Variants in LUZP2 observed in about 807,000 individuals in gnomAD.
The protein encoded by LUZP2 is leucine zipper protein 2.
A neutral mutation model predicts 51.6 loss-of-function variants in LUZP2; 52 were observed. The ratio of observed to expected loss-of-function variants is 1.01; its 90% CI spans 0.81 to 1.27. LUZP2 has a LOEUF of 1.27. Among genes scored for constraint, LUZP2 ranks in the 50% most tolerant of loss-of-function variants. LUZP2 has a pLI of 0.00. For missense variants in LUZP2, 436 were observed against 395.4 expected, an observed-to-expected ratio of 1.10 and a Z score of -0.87; for synonymous variants, 154 against 137.3, an observed-to-expected ratio of 1.12 and a Z score of -0.85.
intron 9 of LUZP2, among the ~76,000 whole-genome samples, chr11:25,010,429 TC>T (rs1266538041): frequency 6.6e-6 from 1 of 152,010 alleles, no homozygotes; most frequent in African/African-American, 2.4e-5. Context: ...TCACCTGTCA[TC>T]CTAGCTACTC....
intron 1 of LUZP2, among the ~76,000 whole-genome samples, chr11:24,535,824 A>G (rs1386319487): frequency 6.6e-6 from 1 of 151,698 alleles, no homozygotes; most frequent in Non-Finnish European, 1.5e-5. Flanking sequence ...AGAATGGTGA[A>G]TCCTTTCGAG....
intron 1 of LUZP2, among the ~76,000 whole-genome samples, chr11:24,668,018 A>C (rs1464309204): frequency 6.6e-6 from 1 of 152,270 alleles, no homozygotes; most frequent in African/African-American, 2.4e-5. Flanking sequence ...TATCATCCAC[A>C]GGATGGTAAG....
chr11:24,946,665 C>G (rs947634137), intron 7 of LUZP2, among the ~76,000 whole-genome samples: 2 of 151,606 alleles, frequency 1.3e-5, no homozygotes, highest in African/African-American at 4.8e-5. Context: ...ATATCATGAC[C>G]ACGTATGTTA....
At chr11:24,695,583 T>A (rs545458197) in intron 1 of LUZP2, among the ~76,000 whole-genome samples, 1 of 152,102 alleles carries the variant, frequency 6.6e-6, no homozygotes, top group South Asian at 2.1e-4. Context: ...CTCACTGTAA[T>A]TTTTTTACTC....
chr11:24,738,874 G>T (rs1401985212), intron 4 of LUZP2, among the ~76,000 whole-genome samples: 1 of 152,032 alleles, frequency 6.6e-6, no homozygotes, highest in East Asian at 1.9e-4. Context: ...TTTACCACAG[G>T]CAGGAGGGAT....
chr11:24,959,830 A>T (rs1282455664), intron 7 of LUZP2, among the ~76,000 whole-genome samples: 1 of 152,166 alleles, frequency 6.6e-6, no homozygotes, highest in Non-Finnish European at 1.5e-5. Flanking sequence ...GTCTTGTGCC[A>T]GTTTTCAAAG....
At chr11:24,583,728 G>C (rs61875660) in intron 1 of LUZP2, among the ~76,000 whole-genome samples, 2 of 149,900 alleles carry the variant, frequency 1.3e-5, no homozygotes, top group South Asian at 2.1e-4. Context: ...TTTTGAGATG[G>C]AGTCTCGCTC....
chr11:24,775,403 T>C (rs1848886400), intron 5 of LUZP2, among the ~76,000 whole-genome samples: 1 of 152,198 alleles, frequency 6.6e-6, no homozygotes, highest in Non-Finnish European at 1.5e-5. Flanking sequence ...TGTAAGTATC[T>C]GTTATAAAGA....
At chr11:24,602,675 C>A (rs1853778229) in intron 1 of LUZP2, among the ~76,000 whole-genome samples, 2 of 151,334 alleles carry the variant, frequency 1.3e-5, no homozygotes, top group Admixed American at 1.3e-4. Context: ...GCAGAAAATG[C>A]AAATATCAAC....
intron 1 of LUZP2, among the ~76,000 whole-genome samples, chr11:24,705,784 G>T (rs1485096449): frequency 6.6e-6 from 1 of 152,056 alleles, no homozygotes; most frequent in Non-Finnish European, 1.5e-5. Context: ...TTCAAGATTG[G>T]CTATTAATTT....
At chr11:24,664,965 G>A (rs1011474726) in intron 1 of LUZP2, among the ~76,000 whole-genome samples, 1 of 152,092 alleles carries the variant, frequency 6.6e-6, no homozygotes, top group Non-Finnish European at 1.5e-5. Flanking sequence ...TATGAAAAGA[G>A]GTCCACCATC....
intron 1 of LUZP2, among the ~76,000 whole-genome samples, chr11:24,642,679 CTT>C (rs1469252349): frequency 1.3e-5 from 2 of 151,720 alleles, no homozygotes; most frequent in African/African-American, 2.4e-5. Flanking sequence ...GTAAGGAAGA[CTT>C]TATTATAGGG....
At chr11:25,056,972 C>T (rs536591825) in intron 10 of LUZP2, among the ~76,000 whole-genome samples, 2 of 152,086 alleles carry the variant, frequency 1.3e-5, no homozygotes, top group African/African-American at 4.8e-5. Context: ...TGGTGGCAGG[C>T]GCCTGTAATC....
chr11:24,840,373 A>G (rs1354288804), intron 5 of LUZP2, among the ~76,000 whole-genome samples: 1 of 151,886 alleles, frequency 6.6e-6, no homozygotes, highest in Non-Finnish European at 1.5e-5. Flanking sequence ...TGGTTTTTTG[A>G]CATCATATAA....
intron 3 of LUZP2, among the ~76,000 whole-genome samples, chr11:24,734,150 G>A (rs1016929559): frequency 6.6e-6 from 1 of 151,662 alleles, no homozygotes; most frequent in Non-Finnish European, 1.5e-5. Flanking sequence ...TGTAGACCAG[G>A]GTGAGAAAAC....
chr11:24,565,861 A>C (rs967623915), intron 1 of LUZP2, among the ~76,000 whole-genome samples: 1 of 152,200 alleles, frequency 6.6e-6, no homozygotes, highest in Admixed American at 6.5e-5. Context: ...GCATTAAAAC[A>C]CAGAATATTT....
chr11:24,531,039 T>TTTATTATTATTATTATGATTA (rs1554949510), intron 1 of LUZP2, among the ~76,000 whole-genome samples: 4 of 144,838 alleles, frequency 2.8e-5, no homozygotes, highest in African/African-American at 1.0e-4. Context: ...TTTAGCCTCT[T>TTTATTATTATTATTATGATTA]TTATTATTAT....
chr11:24,703,094 A>G (rs1387977893), intron 1 of LUZP2, among the ~76,000 whole-genome samples: 1 of 152,200 alleles, frequency 6.6e-6, no homozygotes, highest in African/African-American at 2.4e-5. Context: ...TATAAAGTCA[A>G]AGAATTGTGG....
rs558556339 is a variant in LUZP2 at position 24,607,057 on chromosome 11, G to A, written c.62+109752G>A. On this transcript the variant is annotated intron_variant, in intron 1 of 11. Coordinates refer to ENST00000336930, the MANE Select transcript of LUZP2 (RefSeq NM_001009909.4). ...TATTTTGGATGTTAATCTCTTATCA[G>A]TTAAATTATTTTTTTGTATTCTATA... Among the ~76,000 whole-genome samples, 4 of 151,960 alleles carry A rather than the reference G, an allele frequency of 2.6e-5. No individual in the cohort carries two copies. The East Asian group carries it at 7.7e-4, about 29-fold the overall frequency.
Sources: allele counts gnomAD v4.1 joint callset (sites outside exome capture counted in the v4.1 genomes callset), GRCh38; gene constraint gnomAD v4.1.1; transcripts MANE v1.5; gene names NCBI Gene and HGNC (gene_info 2026-07-23, HGNC 2026-07-21).